FBXL4: variants seen among roughly 807,000 people sequenced by gnomAD.
The protein encoded by FBXL4 is F-box and leucine rich repeat protein 4.
FBXL4 carries 40 observed loss-of-function variants against 58.9 expected under a neutral mutation model. The observed-to-expected ratio is 0.68, with a 90% CI of 0.53 to 0.88. FBXL4 has a LOEUF of 0.88. FBXL4 is among the 40% of genes least tolerant of loss of function. FBXL4 has a pLI of 0.00. For missense variants in FBXL4, 676 were observed against 734.4 expected, an observed-to-expected ratio of 0.92 and a Z score of 0.92; for synonymous variants, 263 against 265.5, an observed-to-expected ratio of 0.99 and a Z score of 0.09.
At chr6:98,945,957 A>C (rs1773605208) in intron 1 of FBXL4, among the ~76,000 whole-genome samples, 1 of 152,192 alleles carries the variant, frequency 6.6e-6, no homozygotes, top group African/African-American at 2.4e-5. Context: ...AAGCAAGCTA[A>C]AATAAATGAA....
intron 6 of FBXL4, among the ~76,000 whole-genome samples, chr6:98,903,541 A>G (rs1031347688): frequency 6.6e-6 from 1 of 152,132 alleles, no homozygotes; most frequent in Non-Finnish European, 1.5e-5. Context: ...TGAATTGAAA[A>G]TGGAAGATAA....
chr6:98,892,242 TA>T (rs1170353070), intron 7 of FBXL4, among the ~76,000 whole-genome samples: 3 of 152,224 alleles, frequency 2.0e-5, no homozygotes, highest in Non-Finnish European at 4.4e-5. Flanking sequence ...CTAGCTATAT[TA>T]ACATTTCTAT....
intron 7 of FBXL4, among the ~76,000 whole-genome samples, chr6:98,891,808 GC>G (rs1771239235): frequency 6.6e-6 from 1 of 151,930 alleles, no homozygotes; most frequent in Non-Finnish European, 1.5e-5. Flanking sequence ...CTCAGGACAT[GC>G]CAACTGTGAG....
Position 98,868,697 on chromosome 6 carries a change from A to G in FBXL4, c.*5581T>C, listed in dbSNP as rs539096210. The G allele has an allele frequency of 1.3e-5, 2 of 152,298 alleles. No individual in the cohort carries two copies. Among genetic ancestry groups the G allele is most frequent in the African/African-American group, 4.8e-5 (2 of 41,574 alleles). 9.4% of individuals were successfully genotyped at this position (152,298 alleles called of 1,614,324 possible). On this transcript the variant is annotated 3_prime_UTR_variant, in exon 10 of 10. Transcript: ENST00000369244. The stretch of plus-strand genomic sequence containing the variant: ...CAGAGACTTGTTTTATCTTTAGTGT[A>G]TTCTACTCTATTTATCTGATACGAC...
At chr6:98,919,729 A>G (rs1300828782) in intron 4 of FBXL4, among the ~76,000 whole-genome samples, 2 of 152,248 alleles carry the variant, frequency 1.3e-5, no homozygotes, top group African/African-American at 2.4e-5. Context: ...GAACAGAAGC[A>G]TGAAACATCT....
chr6:98,946,841 C>T (rs169024), intron 1 of FBXL4, among the ~76,000 whole-genome samples: 103,801 of 152,142 alleles, frequency 0.68, 36,135 homozygotes, highest in African/African-American at 0.82. Flanking sequence ...TATTGGAGCG[C>T]TGATGACTCT....
intron 2 of FBXL4, among the ~76,000 whole-genome samples, chr6:98,929,721 C>T (rs538272232): frequency 2.0e-5 from 3 of 152,126 alleles, no homozygotes; most frequent in Non-Finnish European, 2.9e-5. Flanking sequence ...CATTCAGAGA[C>T]GTTATTTAAA....
At position 98,913,992 on chromosome 6, in the gene FBXL4, C is replaced by T. The variant is rs183832476; in HGVS notation, c.858+3382G>A. On this transcript the variant is annotated intron_variant, in intron 5 of 9. Coordinates refer to ENST00000369244, the MANE Select transcript of FBXL4 (RefSeq NM_001278716.2). ...AAAATGATAAAGGGGATATCACCAC[C>T]GATCCCACAGAAATACAAACTACCA... Among the ~76,000 whole-genome samples, 281 of 152,104 alleles carry T rather than the reference C, an allele frequency of 1.8e-3. 2 individuals are homozygous for T. The highest frequency in any genetic ancestry group is 6.6e-3 in the African/African-American group (274 of 41,490).
chr6:98,873,218 TTA>T lies in FBXL4; in HGVS notation c.*1058_*1059del, dbSNP rs532002551. ...ATCTCTCTCTATATAATATATATAA[TTA>T]TATATATGTATATAATATATACATG... On this transcript the variant is annotated 3_prime_UTR_variant, in exon 10 of 10. Coordinates refer to ENST00000369244, the MANE Select transcript of FBXL4 (RefSeq NM_001278716.2). The T allele has an allele frequency of 1.4e-3, 203 of 147,672 alleles. No homozygotes were observed. Among genetic ancestry groups the T allele is most frequent in the Middle Eastern group, 7.2e-3 (2 of 278 alleles). 9.1% of individuals were successfully genotyped at this position (147,672 alleles called of 1,614,324 possible). A position where few individuals can be genotyped will look rare whatever the true frequency, so the allele number is the denominator to read the frequency against.
intron 3 of FBXL4, among the ~76,000 whole-genome samples, chr6:98,927,294 T>C (rs761083314): frequency 6.6e-6 from 1 of 152,190 alleles, no homozygotes; most frequent in Non-Finnish European, 1.5e-5. Context: ...TATAAGGCAA[T>C]TGGAAGATAT....
intron 7 of FBXL4, among the ~76,000 whole-genome samples, chr6:98,890,567 A>C (rs1771189289): frequency 6.6e-6 from 1 of 152,196 alleles, no homozygotes; most frequent in Non-Finnish European, 1.5e-5. Flanking sequence ...TTCTCTAATT[A>C]AATTTTTTTT....
At position 98,875,607 on chromosome 6, in the gene FBXL4, AC is replaced by A; in HGVS notation, c.1509del (p.Cys504ValfsTer64). The A allele has an allele frequency of 6.2e-7, 1 of 1,614,160 alleles. No individual in the cohort carries two copies. Among genetic ancestry groups the A allele is most frequent in the Non-Finnish European group, 8.5e-7 (1 of 1,180,014 alleles). On this transcript the variant is annotated frameshift_variant, in exon 9 of 10. Coordinates refer to ENST00000369244, the MANE Select transcript of FBXL4 (RefSeq NM_001278716.2). LOFTEE classifies it high-confidence loss of function. Reference sequence around the variant, plus strand: ...AGGTCAAGCTCCTCCAGTAGTGGACACCCAGAAGCCAGTTCTGCTATTCCAT... The same window carrying A: ...AGGTCAAGCTCCTCCAGTAGTGGACACCAGAAGCCAGTTCTGCTATTCCAT... ...TENGIAELASGCPLLEELDLG... is the reference protein window; with the variant it reads ...TENGIAELASXCPLLEELDLG...
intron 7 of FBXL4, among the ~76,000 whole-genome samples, chr6:98,892,021 T>G (rs984744189): frequency 6.6e-6 from 1 of 152,100 alleles, no homozygotes; most frequent in African/African-American, 2.4e-5. Context: ...GCACACATAC[T>G]CACCCCACCA....
In FBXL4 at chr6:98,926,939, A is replaced by G. The variant is rs751130184; in HGVS notation, c.50T>C (p.Ile17Thr). 1.4e-5 allele frequency: 22 copies of G among 1,614,056 alleles called. No individual in the cohort carries two copies. Among genetic ancestry groups the G allele is most frequent in the Non-Finnish European group, 1.9e-5 (22 of 1,180,028 alleles). The stretch of plus-strand genomic sequence containing the variant: ...TGTCCTGGCTCGGCGCCGAAGGCAT[A>G]TATAATAAAACATGGTCAGAACTGT... The part of the protein sequence containing the change: ...MLTVLTMFYY[I>T]CLRRRARTAT... The change falls in exon 4 of 10, where the codon ATA (isoleucine) becomes ACA (threonine). Residue 17 changes from isoleucine (I) to threonine (T), a missense_variant. Coordinates refer to ENST00000369244, the MANE Select transcript of FBXL4 (RefSeq NM_001278716.2).
Position 98,908,376 on chromosome 6 carries a change from CTCCT to C in FBXL4, c.859-2710_859-2707del, listed in dbSNP as rs369351527. ...TCTATATCTGCACATACAGACCCACCTCCTTCCGTTTCATAGAAGTGACATAATT... is the reference window on the plus strand; with the variant it reads ...TCTATATCTGCACATACAGACCCACCTCCGTTTCATAGAAGTGACATAATT... On this transcript the variant is annotated intron_variant, in intron 5 of 9. Transcript: ENST00000369244. Among the ~76,000 whole-genome samples, 783 of 152,258 alleles carry C rather than the reference CTCCT, an allele frequency of 5.1e-3. 8 individuals are homozygous for C. The highest frequency in any genetic ancestry group is 0.018 in the African/African-American group (737 of 41,552).
chr6:98,924,265 G>A (rs1486623869), intron 4 of FBXL4, among the ~76,000 whole-genome samples: 1 of 152,100 alleles, frequency 6.6e-6, no homozygotes, highest in African/African-American at 2.4e-5. Context: ...TCTCATATAA[G>A]AAAAGATCCT....
chr6:98,926,687 C>T lies in FBXL4; in HGVS notation c.302G>A (p.Gly101Glu). Residue 101 changes from glycine to glutamate, a missense_variant, in exon 4 of 10, where the codon GGG becomes GAG. Coordinates refer to ENST00000369244, the MANE Select transcript of FBXL4 (RefSeq NM_001278716.2). Reference protein sequence around the residue: ...FTQTAVFRTYGTWWDQCPSAS... With the variant: ...FTQTAVFRTYETWWDQCPSAS... The stretch of plus-strand genomic sequence containing the variant: ...ACTAGGACACTGATCCCACCATGTC[C>T]CATAAGTTCGAAACACAGCTGTCTG... 6.2e-7 allele frequency: 1 copy of T among 1,614,162 alleles called. No homozygotes were observed. Among genetic ancestry groups the T allele is most frequent in the East Asian group, 2.2e-5 (1 of 44,872 alleles).
intron 2 of FBXL4, among the ~76,000 whole-genome samples, chr6:98,933,999 T>C (rs74841687): frequency 0.034 from 5,118 of 152,246 alleles, 133 homozygotes; most frequent in Middle Eastern, 0.095. Flanking sequence ...GAAGGAATAG[T>C]ACATATATTG....
chr6:98,909,295 C>T (rs920932587), intron 5 of FBXL4, among the ~76,000 whole-genome samples: 23 of 152,102 alleles, frequency 1.5e-4, no homozygotes, highest in African/African-American at 5.6e-4. Context: ...CTCCACACTG[C>T]CAAAGACAGG....
Sources: gnomAD v4.1 joint callset for allele counts (sites outside exome capture counted in the v4.1 genomes callset) on GRCh38, gnomAD v4.1.1 for gene constraint, MANE v1.5 for transcripts, NCBI Gene and HGNC (gene_info 2026-07-23, HGNC 2026-07-21) for gene names.